Variants in EXOC6B observed in about 807,000 individuals in gnomAD.
EXOC6B encodes SEC15 homolog B.
In EXOC6B, 54 loss-of-function variants were observed where a neutral mutation model predicts 113.5. The observed-to-expected ratio is 0.48, with a 90% CI of 0.38 to 0.60. The LOEUF is 0.60. EXOC6B is among the 20% of genes least tolerant of loss of function. EXOC6B has a pLI of 0.00. For missense variants in EXOC6B, 797 were observed against 977.5 expected (o/e 0.82, Z 2.46); for synonymous variants, 357 against 339.0 (o/e 1.05, Z -0.58).
intron 15 of EXOC6B, 148 bp downstream of exon 15, chr2:72,495,282 G>T: frequency 2.1e-6 from 1 of 486,824 alleles, no homozygotes; most frequent in African/African-American, 2.0e-5. Flanking sequence ...CGTGACTATA[G>T]AAATACAGCA....
At chr2:72,303,140 T>C (rs1558538199) in intron 20 of EXOC6B, among the ~76,000 whole-genome samples, 1 of 152,184 alleles carries the variant, frequency 6.6e-6, no homozygotes. Context: ...ATGTTGAATA[T>C]AGGCCTCCAA....
chr2:72,800,739 G>T lies in EXOC6B; in HGVS notation c.113+25059C>A, dbSNP rs116345600. Among the ~76,000 whole-genome samples, 846 of 152,228 alleles carry T rather than the reference G, an allele frequency of 5.6e-3. 7 individuals are homozygous for T. Among genetic ancestry groups the T allele is most frequent in the African/African-American group, 0.02 (818 of 41,548 alleles). On this transcript the variant is annotated intron_variant, in intron 1 of 21. Transcript: ENST00000272427. Reference sequence around the variant, plus strand: ...TCAAGTAATCTAACTCCAAAGTCTGGACTTGGACTCTTAACTACTACACCA... The same window carrying T: ...TCAAGTAATCTAACTCCAAAGTCTGTACTTGGACTCTTAACTACTACACCA...
At chr2:72,197,518 G>C (rs1679246867) in intron 20 of EXOC6B, among the ~76,000 whole-genome samples, 1 of 152,080 alleles carries the variant, frequency 6.6e-6, no homozygotes, top group African/African-American at 2.4e-5. Context: ...TATTCCACGG[G>C]GAGTGGTAAC....
chr2:72,791,724 T>C (rs555635079), intron 1 of EXOC6B, among the ~76,000 whole-genome samples: 1 of 152,360 alleles, frequency 6.6e-6, no homozygotes, highest in South Asian at 2.1e-4. Context: ...TCTACAAACC[T>C]AGTGGATAAG....
intron 6 of EXOC6B, among the ~76,000 whole-genome samples, chr2:72,711,219 T>C (rs1189271469): frequency 2.0e-5 from 3 of 152,070 alleles, no homozygotes; most frequent in South Asian, 2.1e-4. Context: ...AAAGTCACTG[T>C]TCCAAAATAA....
At chr2:72,396,851 G>T (rs1692758985) in intron 18 of EXOC6B, among the ~76,000 whole-genome samples, 1 of 151,578 alleles carries the variant, frequency 6.6e-6, no homozygotes, top group South Asian at 2.1e-4. Context: ...GTAAGAACAA[G>T]AAATAAGAAT....
chr2:72,654,729 T>C (rs1226013102), intron 6 of EXOC6B, among the ~76,000 whole-genome samples: 1 of 152,178 alleles, frequency 6.6e-6, no homozygotes, highest in Non-Finnish European at 1.5e-5. Context: ...GCCCAACAGC[T>C]ATTATCACCC....
intron 6 of EXOC6B, among the ~76,000 whole-genome samples, chr2:72,672,157 A>G (rs534634252): frequency 9.3e-5 from 14 of 151,150 alleles, no homozygotes; most frequent in Non-Finnish European, 1.2e-4. Flanking sequence ...AACTAAGAAC[A>G]GAACTACCAT....
chr2:72,615,790 G>C (rs1273293748), intron 6 of EXOC6B, among the ~76,000 whole-genome samples: 1 of 152,100 alleles, frequency 6.6e-6, no homozygotes, highest in East Asian at 1.9e-4. Flanking sequence ...GCAGCCTCAG[G>C]CAAGTCCTTC....
At chr2:72,355,306 T>C (rs1394474707) in intron 19 of EXOC6B, among the ~76,000 whole-genome samples, 1 of 152,234 alleles carries the variant, frequency 6.6e-6, no homozygotes, top group African/African-American at 2.4e-5. Context: ...AATGAGAATT[T>C]TGAAACACTA....
intron 8 of EXOC6B, among the ~76,000 whole-genome samples, chr2:72,533,583 C>T (rs983761537): frequency 2.0e-5 from 3 of 152,148 alleles, no homozygotes; most frequent in Non-Finnish European, 4.4e-5. Context: ...AAGCCAAAAC[C>T]AATGTGGTTT....
At chr2:72,739,067 C>T (rs1309414956) in intron 2 of EXOC6B, among the ~76,000 whole-genome samples, 1 of 152,136 alleles carries the variant, frequency 6.6e-6, no homozygotes, top group East Asian at 1.9e-4. Context: ...AAGCAAACAT[C>T]TCTAATACTT....
chr2:72,215,147 T>A (rs1680442637), intron 20 of EXOC6B, among the ~76,000 whole-genome samples: 1 of 152,216 alleles, frequency 6.6e-6, no homozygotes, highest in African/African-American at 2.4e-5. Context: ...TCTTTCCACT[T>A]GCCTACTTAA....
At chr2:72,728,288 T>G (rs910482385) in intron 5 of EXOC6B, among the ~76,000 whole-genome samples, 2 of 152,164 alleles carry the variant, frequency 1.3e-5, no homozygotes, top group Non-Finnish European at 2.9e-5. Context: ...TCAGAAATGA[T>G]CCCAGCCAGA....
intron 1 of EXOC6B, among the ~76,000 whole-genome samples, chr2:72,772,343 C>T (rs1418458959): frequency 6.6e-6 from 1 of 152,146 alleles, no homozygotes; most frequent in East Asian, 1.9e-4. Context: ...TTAAGGCAAG[C>T]TCCAGTGCCA....
intron 6 of EXOC6B, among the ~76,000 whole-genome samples, chr2:72,702,242 G>A (rs1000454116): frequency 2.6e-5 from 4 of 151,246 alleles, no homozygotes; most frequent in African/African-American, 7.3e-5. Flanking sequence ...CCCTACAAAG[G>A]ACATGAACTC....
chr2:72,714,283 C>T (rs936279240), intron 6 of EXOC6B, among the ~76,000 whole-genome samples: 2 of 152,058 alleles, frequency 1.3e-5, no homozygotes, highest in Admixed American at 6.6e-5. Flanking sequence ...AGGCAGTGGG[C>T]AGTAAGAACA....
At chr2:72,243,780 A>C (rs1271206693) in intron 20 of EXOC6B, among the ~76,000 whole-genome samples, 1 of 152,200 alleles carries the variant, frequency 6.6e-6, no homozygotes, top group Non-Finnish European at 1.5e-5. Flanking sequence ...AAAACGAAAA[A>C]ACAAAAGAAA....
chr2:72,642,902 T>C (rs1203236563), intron 6 of EXOC6B, among the ~76,000 whole-genome samples: 12 of 146,476 alleles, frequency 8.2e-5, no homozygotes, highest in African/African-American at 2.8e-4. Flanking sequence ...TACAATGAAC[T>C]CAAACAAATT....
Sources: gnomAD v4.1 joint callset for allele counts (sites outside exome capture counted in the v4.1 genomes callset) on GRCh38, gnomAD v4.1.1 for gene constraint, MANE v1.5 for transcripts, NCBI Gene and HGNC (gene_info 2026-07-23, HGNC 2026-07-21) for gene names.